DAB1: variants seen among roughly 807,000 people sequenced by gnomAD.
DAB1 encodes DAB adaptor protein 1.
DAB1 carries 15 observed loss-of-function variants against 64.6 expected under a neutral mutation model. The ratio of observed to expected loss-of-function variants is 0.23; its 90% confidence interval spans 0.16 to 0.36. The LOEUF (loss-of-function observed/expected upper bound fraction) is 0.36. Ranked by LOEUF, DAB1 falls within the 10% of genes least tolerant of loss-of-function variation. The pLI is 1.00. For missense variants in DAB1, 596 were observed against 706.7 expected (o/e 0.84, Z 1.78); for synonymous variants, 235 against 251.9 (o/e 0.93, Z 0.64).
In DAB1 at chr1:58,300,644, G is replaced by A. The variant is rs1005928371; in HGVS notation, n.309+42708C>T. ...AGAGAGAGAGAGAGAGAGAGAGAGA[G>A]AGAGGAAGGAAGGAAGGAAGGAAGG... On this transcript the variant is annotated intron_variant and non_coding_transcript_variant, in intron 4 of 20. Transcript: ENST00000485760. 6.1e-3 allele frequency among the ~76,000 whole-genome samples: 363 copies of A among 59,256 alleles called. 12 individuals carry two copies. Among genetic ancestry groups the A allele is most frequent in the Middle Eastern group, 0.015 (2 of 132 alleles). 38.9% of individuals were successfully genotyped at this position (59,256 alleles called of 152,430 possible).
intron 4 of DAB1, among the ~76,000 whole-genome samples, chr1:58,222,532 C>T (rs1256305862): frequency 1.3e-5 from 2 of 152,188 alleles, no homozygotes; most frequent in Non-Finnish European, 2.9e-5. Context: ...AAGCACAATA[C>T]CTTACAATTT....
intron 7 of DAB1, among the ~76,000 whole-genome samples, chr1:57,470,835 A>C (rs1163222053): frequency 6.6e-6 from 1 of 152,236 alleles, no homozygotes; most frequent in African/African-American, 2.4e-5. Flanking sequence ...ATCATTCCAT[A>C]TATGAAACAC....
At chr1:58,104,243 A>G (rs1651504662) in intron 5 of DAB1, among the ~76,000 whole-genome samples, 1 of 152,162 alleles carries the variant, frequency 6.6e-6, no homozygotes, top group East Asian at 1.9e-4. Context: ...GTGGACCCTC[A>G]ATTAGTATTT....
chr1:58,245,450 C>A (rs1426151379), intron 4 of DAB1, among the ~76,000 whole-genome samples: 3 of 152,136 alleles, frequency 2.0e-5, no homozygotes, highest in African/African-American at 7.2e-5. Context: ...ATTGGAAGGG[C>A]AACTGTTAAG....
At chr1:58,413,399 G>C (rs1470553011) in intron 3 of DAB1, among the ~76,000 whole-genome samples, 1 of 152,262 alleles carries the variant, frequency 6.6e-6, no homozygotes, top group East Asian at 1.9e-4. Flanking sequence ...AGAAACTGAG[G>C]CACAGAAATG....
chr1:57,186,593 C>A (rs1284382692), intron 2 of DAB1, among the ~76,000 whole-genome samples: 1 of 152,174 alleles, frequency 6.6e-6, no homozygotes, highest in Admixed American at 6.5e-5. Flanking sequence ...GTTGTGCTGA[C>A]ATAATCCGCA....
At chr1:58,445,908 G>A (rs1330298183) in intron 3 of DAB1, among the ~76,000 whole-genome samples, 2 of 152,108 alleles carry the variant, frequency 1.3e-5, no homozygotes, top group Non-Finnish European at 2.9e-5. Context: ...CTCCGGCCTG[G>A]CAGAGTTCTC....
At chr1:57,778,380 TC>T (rs139720509) in intron 6 of DAB1, among the ~76,000 whole-genome samples, 1 of 151,794 alleles carries the variant, frequency 6.6e-6, no homozygotes, top group African/African-American at 2.4e-5. Flanking sequence ...GATATACACC[TC>T]CCTCTGCTGC....
intron 7 of DAB1, among the ~76,000 whole-genome samples, chr1:57,586,497 A>T (rs201370737): frequency 3.3e-4 from 36 of 108,090 alleles, no homozygotes; most frequent in African/African-American, 1.2e-3. Context: ...CTCTCTCTCT[A>T]TTTTTTTTCT....
chr1:57,409,760 G>A (rs1451223707), intron 1 of DAB1, among the ~76,000 whole-genome samples: 3 of 152,206 alleles, frequency 2.0e-5, no homozygotes, highest in African/African-American at 4.8e-5. Flanking sequence ...AGTGAGCTGA[G>A]ATTGTGCCAC....
intron 7 of DAB1, among the ~76,000 whole-genome samples, chr1:57,510,118 A>C (rs998718122): frequency 2.6e-5 from 4 of 152,144 alleles, no homozygotes; most frequent in African/African-American, 7.2e-5. Context: ...TTTTAAAACA[A>C]ATAAAGCCCT....
intron 5 of DAB1, among the ~76,000 whole-genome samples, chr1:58,097,519 C>G (rs527796797): frequency 2.0e-5 from 3 of 146,770 alleles, no homozygotes; most frequent in Non-Finnish European, 4.6e-5. Context: ...GTTCAGGAAG[C>G]CTTTTTTTTT....
chr1:58,088,055 C>CT (rs965399965), intron 5 of DAB1, among the ~76,000 whole-genome samples: 4 of 152,294 alleles, frequency 2.6e-5, no homozygotes, highest in Admixed American at 1.3e-4. Context: ...TAGTAAAGTT[C>CT]TTTCCATAAA....
At chr1:58,009,195 G>C (rs1278064474) in intron 5 of DAB1, among the ~76,000 whole-genome samples, 1 of 152,126 alleles carries the variant, frequency 6.6e-6, no homozygotes, top group African/African-American at 2.4e-5. Flanking sequence ...GATGTCTCAA[G>C]AATTTGACCA....
At chr1:57,330,544 C>T (rs1486273830) in intron 1 of DAB1, among the ~76,000 whole-genome samples, 6 of 152,124 alleles carry the variant, frequency 3.9e-5, no homozygotes, top group Non-Finnish European at 8.8e-5. Flanking sequence ...TGCAATGAGA[C>T]AATGTCCACA....
chr1:57,394,168 A>G (rs1682620627), intron 1 of DAB1, among the ~76,000 whole-genome samples: 1 of 152,242 alleles, frequency 6.6e-6, no homozygotes, highest in Admixed American at 6.5e-5. Context: ...TATTAGAGCC[A>G]ACACAGGCAG....
chr1:57,936,702 T>C (rs2102045071), intron 5 of DAB1, among the ~76,000 whole-genome samples: 1 of 152,278 alleles, frequency 6.6e-6, no homozygotes, highest in Non-Finnish European at 1.5e-5. Flanking sequence ...ATTTATTTTT[T>C]TTAGATGGAG....
intron 4 of DAB1, among the ~76,000 whole-genome samples, chr1:58,169,428 C>T (rs1656042003): frequency 1.3e-5 from 2 of 152,170 alleles, no homozygotes; most frequent in Non-Finnish European, 2.9e-5. Flanking sequence ...CAGGCATCAA[C>T]AGGCTCACCC....
intron 1 of DAB1, among the ~76,000 whole-genome samples, chr1:57,319,683 T>C (rs1030671450): frequency 1.3e-5 from 2 of 152,210 alleles, no homozygotes; most frequent in African/African-American, 2.4e-5. Context: ...AAAAGCCAGA[T>C]ACTTGCTTTC....
Sources: allele counts gnomAD v4.1 joint callset (sites outside exome capture counted in the v4.1 genomes callset), GRCh38; gene constraint gnomAD v4.1.1; transcripts MANE v1.5; gene names NCBI Gene and HGNC (gene_info 2026-07-23, HGNC 2026-07-21).